Variants in ZNF525 observed in about 807,000 individuals in gnomAD.
ZNF525 encodes the protein zinc finger protein 525.
ZNF525 carries 33 observed loss-of-function variants against 37.6 expected under a neutral mutation model. The ratio of observed to expected loss-of-function variants is 0.88; its 90% CI spans 0.67 to 1.17. The LOEUF (loss-of-function observed/expected upper bound fraction) is 1.17, where lower values mean the gene tolerates loss of function less well. Ranked by LOEUF, ZNF525 falls within the 50% of genes most tolerant of loss-of-function variation. ZNF525 has a pLI of 0.00. For missense variants in ZNF525, 449 were observed against 543.1 expected (o/e 0.83, Z 1.72); for synonymous variants, 170 against 182.3 (o/e 0.93, Z 0.54).
rs144872721 is a variant in ZNF525, at chr19:53,372,541, C to T, written c.15+245C>T. 1.5e-3 allele frequency: 1,534 copies of T among 1,021,604 alleles called. 15 individuals carry two copies. In the African/African-American group the frequency reaches 0.021, roughly 14 times the overall value. 63.3% of individuals were successfully genotyped at this position (1,021,604 alleles called of 1,614,324 possible). On this transcript the variant is annotated intron_variant, in intron 2 of 3. Coordinates refer to ENST00000474037, the MANE Select transcript of ZNF525 (RefSeq NM_001348156.2). ...GCTCACAACCAGACATGGATGGAGA[C>T]GGGGTGAGGGTCCCGTGGTGTCAGT...
Position 53,386,442 on chromosome 19 carries a change from C to A in ZNF525, c.*4423C>A. ...TTATGCTGTCTGAGCATCACAATCA[C>A]GTTACCATATCAAGCTGAAAATGTC... On this transcript the variant is annotated 3_prime_UTR_variant, in exon 4 of 4. Transcript: ENST00000474037. The A allele has an allele frequency of 1.4e-6, 1 of 719,424 alleles. No individual in the cohort carries two copies. The highest frequency in any genetic ancestry group is 2.5e-6 in the Non-Finnish European group (1 of 403,996). The allele number at this position is 719,424 out of a possible 1,614,324, so 44.6% of individuals were successfully genotyped here.
intron 3 of ZNF525, among the ~76,000 whole-genome samples, chr19:53,377,333 A>G (rs1329530670): frequency 6.6e-6 from 1 of 151,970 alleles, no homozygotes; most frequent in Non-Finnish European, 1.5e-5. Flanking sequence ...ATATGCCACC[A>G]TGCCTGGCTA....
chr19:53,366,282 G>T lies in ZNF525; in HGVS notation c.-68+523G>T, dbSNP rs1419232529. Among the ~76,000 whole-genome samples the T allele has an allele frequency of 8.8e-5, 10 of 113,084 alleles. 3 individuals carry two copies. The highest frequency in any genetic ancestry group is 2.3e-5 in the Non-Finnish European group (1 of 44,174). 74.2% of individuals were successfully genotyped at this position (113,084 alleles called of 152,430 possible). A position where few individuals can be genotyped will look rare whatever the true frequency, so the allele number is the denominator to read the frequency against. Reference sequence around the variant, plus strand: ...CATCCGCAGTCACAGCTTGCCCTGAGCCTGCGTTAGGGGAGGTGCCCGGGT... The same window carrying T: ...CATCCGCAGTCACAGCTTGCCCTGATCCTGCGTTAGGGGAGGTGCCCGGGT... On this transcript the variant is annotated intron_variant, in intron 1 of 3. Transcript: ENST00000474037.
In ZNF525 at chr19:53,384,565, AGT is replaced by A. The variant is rs1432888127; in HGVS notation, c.*2551_*2552del. ...TATTTTAAGTTCTCCAGCAAATGGA[AGT>A]GTGTTAAAATTTTCTTTTAAAATTG... On this transcript the variant is annotated 3_prime_UTR_variant, in exon 4 of 4. Transcript: ENST00000474037. The A allele has an allele frequency of 6.3e-6, 1 of 158,432 alleles. No individual in the cohort carries two copies. Among genetic ancestry groups the A allele is most frequent in the East Asian group, 1.8e-4 (1 of 5,446 alleles). The allele number at this position is 158,432 out of a possible 1,614,324, so 9.8% of individuals were successfully genotyped here. A position where few individuals can be genotyped will look rare whatever the true frequency, so the allele number is the denominator to read the frequency against.
In ZNF525 at chr19:53,383,574, A is replaced by C; in HGVS notation, c.*1555A>C. Reference sequence around the variant, plus strand: ...ACTGGAGAGAAACCTTACAAGTGTAATGAGTGTGTCAAAGCCTTTAGTGGG... The same window carrying C: ...ACTGGAGAGAAACCTTACAAGTGTACTGAGTGTGTCAAAGCCTTTAGTGGG... On this transcript the variant is annotated 3_prime_UTR_variant, in exon 4 of 4. Coordinates refer to ENST00000474037, the MANE Select transcript of ZNF525 (RefSeq NM_001348156.2). 2 of 1,452,578 alleles carry C rather than the reference A, an allele frequency of 1.4e-6. No individual in the cohort carries two copies. The highest frequency in any genetic ancestry group is 9.3e-7 in the Non-Finnish European group (1 of 1,073,738). The allele number at this position is 1,452,578 out of a possible 1,614,324, so 90.0% of individuals were successfully genotyped here.
In ZNF525 at chr19:53,382,770, C is replaced by T; in HGVS notation, c.*751C>T. The stretch of plus-strand genomic sequence containing the variant: ...TGTGACAAATTTTTCAGACATCGTT[C>T]ATACCTTGCAGTTCACGGGCGAACT... On this transcript the variant is annotated 3_prime_UTR_variant, in exon 4 of 4. Coordinates refer to ENST00000474037, the MANE Select transcript of ZNF525 (RefSeq NM_001348156.2). 1 of 971,464 alleles carries T rather than the reference C, an allele frequency of 1.0e-6. No homozygotes were observed. Among genetic ancestry groups the T allele is most frequent in the Non-Finnish European group, 1.6e-6 (1 of 618,386 alleles). The allele number at this position is 971,464 out of a possible 1,614,324, so 60.2% of individuals were successfully genotyped here. A position where few individuals can be genotyped will look rare whatever the true frequency, so the allele number is the denominator to read the frequency against.
At chr19:53,380,410 G>A (rs1178845150) in intron 3 of ZNF525, among the ~76,000 whole-genome samples, 1 of 152,116 alleles carries the variant, frequency 6.6e-6, no homozygotes, top group Admixed American at 6.6e-5. Context: ...TATACAGTAA[G>A]TATGCTGTAA....
At chr19:53,373,176 T>G (rs2085499259) in intron 2 of ZNF525, among the ~76,000 whole-genome samples, 1 of 152,066 alleles carries the variant, frequency 6.6e-6, no homozygotes, top group Non-Finnish European at 1.5e-5. Flanking sequence ...CATGGCAACC[T>G]CCACCTCCCA....
At chr19:53,376,828 GAC>G (rs1365439008) in intron 3 of ZNF525, among the ~76,000 whole-genome samples, 3 of 152,142 alleles carry the variant, frequency 2.0e-5, no homozygotes, top group Non-Finnish European at 2.9e-5. Flanking sequence ...AAATTAGCCA[GAC>G]ACGGTCGTGG....
chr19:53,379,038 T>C (rs561906166), intron 3 of ZNF525, among the ~76,000 whole-genome samples: 59 of 152,326 alleles, frequency 3.9e-4, no homozygotes, highest in Admixed American at 1.4e-3. Context: ...TATATATATA[T>C]AGAATTGCTG....
At chr19:53,370,413 C>T (rs1415136461) in intron 1 of ZNF525, among the ~76,000 whole-genome samples, 1 of 118,286 alleles carries the variant, frequency 8.5e-6, no homozygotes, top group Non-Finnish European at 1.8e-5. Flanking sequence ...GACTCCATGT[C>T]AAAAAAAAAA....
chr19:53,366,484 A>G (rs183671338), intron 1 of ZNF525, among the ~76,000 whole-genome samples: 2 of 151,782 alleles, frequency 1.3e-5, no homozygotes, highest in East Asian at 3.9e-4. Context: ...AGAAAGGCCC[A>G]TAACAGATGG....
In ZNF525 at chr19:53,382,474, A is replaced by G; in HGVS notation, c.*455A>G. On this transcript the variant is annotated 3_prime_UTR_variant, in exon 4 of 4. Coordinates refer to ENST00000474037, the MANE Select transcript of ZNF525 (RefSeq NM_001348156.2). ...CGCCATCATAGACTTCATACTGGAA[A>G]TAAATCTTATAAGTGTAATGAGTGT... The G allele has an allele frequency of 2.7e-6, 2 of 731,064 alleles. No individual in the cohort carries two copies. The highest frequency in any genetic ancestry group is 2.8e-5 in the South Asian group (2 of 71,864). 45.3% of individuals were successfully genotyped at this position (731,064 alleles called of 1,614,324 possible).
rs752781315 is a variant in ZNF525, at chr19:53,381,763, T to G, written c.1184T>G (p.Met395Arg). Reference protein sequence around the residue: ...CNDCGKTFSHMSTLTCHRRLH... With the variant: ...CNDCGKTFSHRSTLTCHRRLH... Reference sequence around the variant, plus strand: ...GATTGTGGCAAGACCTTCAGTCATATGTCAACCCTTACATGCCATCGTAGA... The same window carrying G: ...GATTGTGGCAAGACCTTCAGTCATAGGTCAACCCTTACATGCCATCGTAGA... The change falls in exon 4 of 4, where the codon ATG (methionine) becomes AGG (arginine). Residue 395 changes from methionine (M) to arginine (R), a missense_variant. Physicochemically the swap from Met to Arg is moderately conservative, Grantham distance 91. Around this residue, in one of 2 missense-constraint regions of ZNF525, gnomAD observed 178 missense variants for 161.5 expected, o/e 1.10. Coordinates refer to ENST00000474037, the MANE Select transcript of ZNF525 (RefSeq NM_001348156.2). 9.6e-7 allele frequency: 1 copy of G among 1,041,076 alleles called. No individual in the cohort carries two copies. Among genetic ancestry groups the G allele is most frequent in the Non-Finnish European group, 1.5e-6 (1 of 657,138 alleles). The allele number at this position is 1,041,076 out of a possible 1,614,324, so 64.5% of individuals were successfully genotyped here.
Position 53,382,333 on chromosome 19 carries a change from A to T in ZNF525, c.*314A>T, listed in dbSNP as rs145072582. On this transcript the variant is annotated 3_prime_UTR_variant, in exon 4 of 4. Coordinates refer to ENST00000474037, the MANE Select transcript of ZNF525 (RefSeq NM_001348156.2). The stretch of plus-strand genomic sequence containing the variant: ...AAACCTTACAAATGTGAAGAATGTG[A>T]TGAAACTTTCAGATACAAATCAAAT... The T allele has an allele frequency of 3.0e-6, 4 of 1,320,308 alleles. No homozygotes were observed. Among genetic ancestry groups the T allele is most frequent in the Middle Eastern group, 1.8e-4 (1 of 5,460 alleles). The allele number at this position is 1,320,308 out of a possible 1,614,324, so 81.8% of individuals were successfully genotyped here. A position where few individuals can be genotyped will look rare whatever the true frequency, so the allele number is the denominator to read the frequency against.
intron 3 of ZNF525, among the ~76,000 whole-genome samples, chr19:53,376,655 G>GCAGCC (rs1242907801): frequency 3.9e-5 from 6 of 152,222 alleles, no homozygotes; most frequent in Admixed American, 3.9e-4. Flanking sequence ...TTGGCTCACC[G>GCAGCC]CAGCCGGCTC....
In ZNF525 at chr19:53,386,271, G is replaced by T; in HGVS notation, c.*4252G>T. The T allele has an allele frequency of 1.5e-6, 1 of 675,598 alleles. No homozygotes were observed. The highest frequency in any genetic ancestry group is 2.8e-6 in the Non-Finnish European group (1 of 362,856). 41.9% of individuals were successfully genotyped at this position (675,598 alleles called of 1,614,324 possible). A position where few individuals can be genotyped will look rare whatever the true frequency, so the allele number is the denominator to read the frequency against. Reference sequence around the variant, plus strand: ...AGACTTTCAGGATTAAGCGATTCCTGGCCAAGAAACAAAAGCAAAACCATC... The same window carrying T: ...AGACTTTCAGGATTAAGCGATTCCTTGCCAAGAAACAAAAGCAAAACCATC... On this transcript the variant is annotated 3_prime_UTR_variant, in exon 4 of 4. Transcript: ENST00000474037.
In ZNF525 at chr19:53,385,067, A is replaced by G. The variant is rs1449185877; in HGVS notation, c.*3048A>G. 3.1e-6 allele frequency: 2 copies of G among 651,768 alleles called. No individual in the cohort carries two copies. Among genetic ancestry groups the G allele is most frequent in the Non-Finnish European group, 5.5e-6 (2 of 363,572 alleles). The allele number at this position is 651,768 out of a possible 1,614,324, so 40.4% of individuals were successfully genotyped here. ...ATCTTTCATTCTGTTCTAGTGGTAT[A>G]TAACATTGATTTGCTTGAATATGTT... On this transcript the variant is annotated 3_prime_UTR_variant, in exon 4 of 4. Transcript: ENST00000474037.
Position 53,383,709 on chromosome 19 carries a change from G to C in ZNF525, c.*1690G>C. The C allele has an allele frequency of 6.1e-6, 4 of 650,708 alleles. No individual in the cohort carries two copies. The highest frequency in any genetic ancestry group is 3.3e-5 in the South Asian group (2 of 61,054). The allele number at this position is 650,708 out of a possible 1,614,324, so 40.3% of individuals were successfully genotyped here. A position where few individuals can be genotyped will look rare whatever the true frequency, so the allele number is the denominator to read the frequency against. On this transcript the variant is annotated 3_prime_UTR_variant, in exon 4 of 4. Coordinates refer to ENST00000474037, the MANE Select transcript of ZNF525 (RefSeq NM_001348156.2). Reference sequence around the variant, plus strand: ...GCTACAACCATTGTAAATCACTGGAGAAGCCATAATGAAGAGAGATCTTAC... The same window carrying C: ...GCTACAACCATTGTAAATCACTGGACAAGCCATAATGAAGAGAGATCTTAC...
Sources: gnomAD v4.1 joint callset for allele counts (sites outside exome capture counted in the v4.1 genomes callset) on GRCh38, gnomAD v4.1.1 for gene constraint, gnomAD v4.1.1 regional missense constraint, MANE v1.5 for transcripts, NCBI Gene and HGNC (gene_info 2026-07-23, HGNC 2026-07-21) for gene names.